The following TSHZ3 variants were observed in gnomAD, a reference collection of about 807,000 sequenced individuals.
TSHZ3 encodes teashirt zinc finger homeobox 3, also known as teashirt homolog 3.
TSHZ3 carries 10 observed loss-of-function variants against 64.5 expected under a neutral mutation model. The ratio of observed to expected loss-of-function variants is 0.16; its 90% CI spans 0.10 to 0.26. The LOEUF (loss-of-function observed/expected upper bound fraction) is 0.26. TSHZ3 is among the 10% of genes least tolerant of loss of function. The pLI is 1.00. For synonymous variants in TSHZ3, 608 were observed against 593.1 expected (o/e 1.03, Z -0.36); for missense variants, 1,242 against 1,421.7 (o/e 0.87, Z 2.03).
rs977494496 is a variant in TSHZ3, at chr19:31,226,977, C to T, written n.686+1028G>A. Among the ~76,000 whole-genome samples, 590 of 65,704 alleles carry T rather than the reference C, an allele frequency of 9.0e-3. 31 individuals are homozygous for T. Among genetic ancestry groups the T allele is most frequent in the African/African-American group, 0.052 (539 of 10,348 alleles). 43.1% of individuals were successfully genotyped at this position (65,704 alleles called of 152,430 possible). A position where few individuals can be genotyped will look rare whatever the true frequency, so the allele number is the denominator to read the frequency against. ...TTTTCTTCTCTTTCTTTCTTTCTTT[C>T]TTTTTTTTTTTTTTTTTTTGAGATG... On this transcript the variant is annotated intron_variant and non_coding_transcript_variant, in intron 4 of 6. Coordinates refer to the TSHZ3 transcript ENST00000651361.
At chr19:31,195,243 T>C (rs113144754) in intron 5 of TSHZ3, among the ~76,000 whole-genome samples, 43 of 152,000 alleles carry the variant, frequency 2.8e-4, no homozygotes, top group African/African-American at 9.4e-4. Flanking sequence ...TCTAGGAAGC[T>C]CAGAGAACAC....
At chr19:31,296,536 A>G (rs1341273909) in intron 1 of TSHZ3, among the ~76,000 whole-genome samples, 1 of 151,994 alleles carries the variant, frequency 6.6e-6, no homozygotes, top group East Asian at 1.9e-4. Flanking sequence ...GGGTTTCACC[A>G]TGTTAGCCAG....
intron 1 of TSHZ3, among the ~76,000 whole-genome samples, chr19:31,335,042 C>T (rs1371279426): frequency 1.3e-5 from 2 of 152,154 alleles, no homozygotes; most frequent in Admixed American, 1.3e-4. Flanking sequence ...AAATGACCTG[C>T]GTGAACTTCT....
At chr19:31,210,578 A>G (rs1372751516) in intron 4 of TSHZ3, among the ~76,000 whole-genome samples, 1 of 152,170 alleles carries the variant, frequency 6.6e-6, no homozygotes, top group Non-Finnish European at 1.5e-5. Flanking sequence ...TAACACTTCA[A>G]GAAGAAACAG....
chr19:31,282,595 C>T (rs1055677266), intron 1 of TSHZ3, among the ~76,000 whole-genome samples: 6 of 152,144 alleles, frequency 3.9e-5, no homozygotes, highest in African/African-American at 1.4e-4. Context: ...CCAGGCCGTC[C>T]GGAGCACCCC....
At chr19:31,345,519 C>T (rs752079469) in intron 1 of TSHZ3, among the ~76,000 whole-genome samples, 5 of 152,168 alleles carry the variant, frequency 3.3e-5, no homozygotes, top group Non-Finnish European at 7.4e-5. Flanking sequence ...TTCTGTGGCA[C>T]CAGCAGACCC....
intron 1 of TSHZ3, among the ~76,000 whole-genome samples, chr19:31,307,651 T>C (rs751452971): frequency 6.6e-6 from 1 of 152,162 alleles, no homozygotes; most frequent in Non-Finnish European, 1.5e-5. Context: ...TTAACAGAAA[T>C]GTTACCGAGG....
chr19:31,269,370 A>T (rs554428064), intron 1 of TSHZ3, among the ~76,000 whole-genome samples: 1 of 152,282 alleles, frequency 6.6e-6, no homozygotes, highest in Non-Finnish European at 1.5e-5. Context: ...ACTGAGGCGG[A>T]AGTCCGGCGA....
intron 1 of TSHZ3, among the ~76,000 whole-genome samples, chr19:31,336,010 GT>G (rs1917232624): frequency 6.6e-6 from 1 of 152,162 alleles, no homozygotes; most frequent in South Asian, 2.1e-4. Context: ...TCAAAAATGT[GT>G]TGCTTTCTTC....
chr19:31,197,665 G>A (rs79017623), intron 5 of TSHZ3, among the ~76,000 whole-genome samples: 1 of 151,954 alleles, frequency 6.6e-6, no homozygotes, highest in East Asian at 1.9e-4. Context: ...AATAAAGAAT[G>A]ATTATAAGCA....
chr19:31,333,716 G>A (rs1455947970), intron 1 of TSHZ3, among the ~76,000 whole-genome samples: 2 of 152,184 alleles, frequency 1.3e-5, no homozygotes, highest in East Asian at 1.9e-4. Flanking sequence ...TGCCTCTCCA[G>A]GCCAAGTGAG....
intron 1 of TSHZ3, among the ~76,000 whole-genome samples, chr19:31,325,949 T>C (rs1220323515): frequency 6.6e-6 from 1 of 152,224 alleles, no homozygotes; most frequent in Non-Finnish European, 1.5e-5. Context: ...TTATGTACAA[T>C]GTAATATACA....
chr19:31,186,365 T>C (rs1366985129), intron 5 of TSHZ3, among the ~76,000 whole-genome samples: 1 of 152,186 alleles, frequency 6.6e-6, no homozygotes, highest in Non-Finnish European at 1.5e-5. Context: ...GTTACCCTCA[T>C]GCTGTTCTCA....
rs373477520 is a variant in TSHZ3 at position 31,277,777 on chromosome 19, G to A, written c.2016C>T (p.Ser672=). The part of the protein sequence containing the change: ...GGFRSQENSP[S]PPRDGCKDGS... ...CATCCTTGCACCCATCCCGCGGGGG[G>A]CTGGGGCTGTTCTCCTGGCTGCGGA... The change falls in exon 2 of 2, where the codon AGC becomes AGT. Residue 672 remains serine (S), a synonymous_variant. Transcript: ENST00000240587. The surrounding 1 kb of genome is among the most constrained non-coding windows in gnomAD (Gnocchi z 4.5). The A allele has an allele frequency of 5.9e-6, 9 of 1,534,482 alleles. No homozygotes were observed. The highest frequency in any genetic ancestry group is 5.5e-5 in the African/African-American group (4 of 72,198).
rs746024897 is a variant in TSHZ3 at position 31,276,706 on chromosome 19, C to A, written c.3087G>T (p.Val1029=). The A allele has an allele frequency of 1.5e-5, 24 of 1,613,728 alleles. No homozygotes were observed. The South Asian group carries it at 2.4e-4, about 16-fold the overall frequency. Residue 1029 remains valine, a synonymous_variant, in exon 2 of 2, where the codon GTG becomes GTT. Coordinates refer to ENST00000240587, the MANE Select transcript of TSHZ3 (RefSeq NM_020856.4). The part of the protein sequence containing the change: ...AQTKSPSEKM[V]TSSPEEDLGT... ...CCAGGTCTTCCTCGGGGGAGGACGT[C>A]ACCATTTTTTCTGACGGTGACTTGG...
chr19:31,208,065 G>T (rs1415950453), intron 4 of TSHZ3, among the ~76,000 whole-genome samples: 1 of 152,182 alleles, frequency 6.6e-6, no homozygotes, highest in Admixed American at 6.5e-5. Flanking sequence ...ACCAAGCACA[G>T]AGCCTCACAC....
intron 3 of TSHZ3, among the ~76,000 whole-genome samples, chr19:31,238,210 C>G (rs1358327627): frequency 6.7e-6 from 1 of 148,696 alleles, no homozygotes; most frequent in Non-Finnish European, 1.5e-5. Context: ...ATCATTGTGG[C>G]TTTGTCCATT....
chr19:31,337,720 A>AACACACACACACACACACACACACAC (rs372251116), intron 1 of TSHZ3, among the ~76,000 whole-genome samples: 7 of 145,978 alleles, frequency 4.8e-5, no homozygotes, highest in African/African-American at 7.6e-5. Flanking sequence ...TTTCAAAATA[A>AACACACACACACACACACACACACAC]ACACACACAC....
chr19:31,243,222 A>G (rs1330282618), intron 1 of TSHZ3, among the ~76,000 whole-genome samples: 5 of 152,216 alleles, frequency 3.3e-5, no homozygotes, highest in African/African-American at 1.2e-4. Flanking sequence ...AGTACTTCAT[A>G]CCTGTCATTG....
Sources: allele counts gnomAD v4.1 joint callset (sites outside exome capture counted in the v4.1 genomes callset), GRCh38; gene constraint gnomAD v4.1.1; non-coding constraint Gnocchi (gnomAD v3.1); transcripts MANE v1.5; gene names NCBI Gene and HGNC (gene_info 2026-07-23, HGNC 2026-07-21).